The following FBXO28 variants were observed in gnomAD, a reference collection of about 807,000 sequenced individuals.
FBXO28 encodes F-box only protein 28.
FBXO28 carries 8 observed loss-of-function variants against 38.1 expected under a neutral mutation model. The observed-to-expected ratio is 0.21, with a 90% CI of 0.12 to 0.38. The LOEUF is 0.38. Among genes scored for constraint, FBXO28 ranks in the 10% least tolerant of loss-of-function variants. The pLI is 1.00. For synonymous variants in FBXO28, 168 were observed against 173.8 expected, an observed-to-expected ratio of 0.97 and a Z score of 0.26; for missense variants, 345 against 460.6, an observed-to-expected ratio of 0.75 and a Z score of 2.30.
intron 1 of FBXO28, among the ~76,000 whole-genome samples, chr1:224,116,843 A>G (rs946080037): frequency 1.3e-5 from 2 of 152,160 alleles, no homozygotes. Context: ...CTTACCATGA[A>G]TAACTGATTT....
chr1:224,115,556 C>T (rs1262912978), intron 1 of FBXO28, among the ~76,000 whole-genome samples: 3 of 152,114 alleles, frequency 2.0e-5, no homozygotes, highest in Admixed American at 2.0e-4. Flanking sequence ...AAACTGATGG[C>T]CAATTTTTTT....
intron 3 of FBXO28, among the ~76,000 whole-genome samples, chr1:224,152,603 G>A (rs950267684): frequency 6.6e-6 from 1 of 152,028 alleles, no homozygotes; most frequent in Non-Finnish European, 1.5e-5. Flanking sequence ...CATAGTACCT[G>A]ATACATAAAA....
At chr1:224,133,843 A>G (rs1185722356) in intron 2 of FBXO28, among the ~76,000 whole-genome samples, 1 of 151,668 alleles carries the variant, frequency 6.6e-6, no homozygotes, top group African/African-American at 2.4e-5. Context: ...ATATATATAT[A>G]TATAATTTGT....
intron 1 of FBXO28, among the ~76,000 whole-genome samples, chr1:224,125,090 G>A (rs1464552793): frequency 6.6e-6 from 1 of 151,624 alleles, no homozygotes; most frequent in East Asian, 1.9e-4. Context: ...TTACAATATT[G>A]CCTAATGTTT....
intron 4 of FBXO28, among the ~76,000 whole-genome samples, chr1:224,153,893 C>A (rs1657705667): frequency 6.6e-6 from 1 of 150,952 alleles, no homozygotes; most frequent in Non-Finnish European, 1.5e-5. Flanking sequence ...TGCACTCCAG[C>A]CTGAGCAACA....
intron 4 of FBXO28, 23 bp downstream of exon 4, chr1:224,153,360 C>T (rs184723485): frequency 6.6e-7 from 1 of 1,515,354 alleles, no homozygotes; most frequent in South Asian, 1.3e-5. Context: ...TATAATCATG[C>T]TTGTACATAA....
chr1:224,122,728 C>G (rs948607081), intron 1 of FBXO28, among the ~76,000 whole-genome samples: 2 of 152,042 alleles, frequency 1.3e-5, no homozygotes, highest in Non-Finnish European at 2.9e-5. Flanking sequence ...TGATTGACTT[C>G]AGGATTTTGA....
chr1:224,114,206 C>A lies in FBXO28; in HGVS notation c.77C>A (p.Ser26Tyr). The change falls in exon 1 of 5, where the codon TCC becomes TAC. Residue 26 changes from serine (S) to tyrosine (Y), a missense_variant. Around this residue, in one of 6 missense-constraint regions of FBXO28, gnomAD observed 104 missense variants for 82.0 expected, o/e 1.27. Coordinates refer to ENST00000366862, the MANE Select transcript of FBXO28 (RefSeq NM_015176.4). ...GQGDGGSSLA[S>Y]GSTQRQPPPP... is the part of the protein sequence containing the mutation. ...GGCGACGGCGGTTCCTCTTTGGCCT[C>A]CGGCTCTACCCAGCGACAGCCTCCA... is the stretch of plus-strand genomic sequence containing the variant. 6.5e-7 allele frequency: 1 copy of A among 1,549,242 alleles called. No individual in the cohort carries two copies.
intron 3 of FBXO28, among the ~76,000 whole-genome samples, chr1:224,145,314 A>AAAAAAT (rs1657474792): frequency 6.9e-6 from 1 of 145,446 alleles, no homozygotes; most frequent in Non-Finnish European, 1.5e-5. Context: ...AAAAAAAAAA[A>AAAAAAT]GGAAGTGTTT....
At chr1:224,153,985 C>T (rs1436565649) in intron 4 of FBXO28, among the ~76,000 whole-genome samples, 1 of 151,804 alleles carries the variant, frequency 6.6e-6, no homozygotes, top group Non-Finnish European at 1.5e-5. Context: ...GTGGTCCCAG[C>T]ACTTTGGGAG....
At chr1:224,134,052 T>A in intron 2 of FBXO28, 22 bp from the exon 3 acceptor site, 2 of 1,452,360 alleles carry the variant, frequency 1.4e-6, no homozygotes, top group Non-Finnish European at 1.8e-6. Flanking sequence ...TTGCCTTGCT[T>A]TTATTATTAT....
chr1:224,121,844 C>T lies in FBXO28; in HGVS notation c.267+7448C>T, dbSNP rs1436055049. Among the ~76,000 whole-genome samples, 29 of 152,062 alleles carry T rather than the reference C, an allele frequency of 1.9e-4. 1 individual carries two copies. The highest frequency in any genetic ancestry group is 1.5e-3 in the Admixed American group (23 of 15,262). ...AGGCTGGAGTGCAGTGGCACGATCTCGGCCCATTGCCACCTCTGCCTCCTG... is the reference window on the plus strand; with the variant it reads ...AGGCTGGAGTGCAGTGGCACGATCTTGGCCCATTGCCACCTCTGCCTCCTG... On this transcript the variant is annotated intron_variant, in intron 1 of 4. Transcript: ENST00000366862.
chr1:224,143,449 G>T (rs1049540030), intron 3 of FBXO28, among the ~76,000 whole-genome samples: 6 of 152,208 alleles, frequency 3.9e-5, no homozygotes, highest in African/African-American at 1.2e-4. Flanking sequence ...TCCTGGCCAG[G>T]GTGGATAACG....
chr1:224,156,607 A>G (rs1318454939), intron 4 of FBXO28, among the ~76,000 whole-genome samples: 1 of 152,198 alleles, frequency 6.6e-6, no homozygotes, highest in Non-Finnish European at 1.5e-5. Flanking sequence ...AAGAAGTTGC[A>G]GATTTTGGAT....
In FBXO28 at chr1:224,128,304, A is replaced by G. The variant is rs181818268; in HGVS notation, c.268-2168A>G. The stretch of plus-strand genomic sequence containing the variant: ...TCTTGTACTGCAACGTCTACCCCAT[A>G]TGGTGAGAATTAACCTTCAGGTTGA... On this transcript the variant is annotated intron_variant, in intron 1 of 4. Transcript: ENST00000366862. Among the ~76,000 whole-genome samples the G allele has an allele frequency of 1.3e-4, 19 of 151,648 alleles. 1 individual carries two copies. In the East Asian group the frequency reaches 3.7e-3, roughly 29 times the overall value.
At position 224,157,590 on chromosome 1, in the gene FBXO28, G is replaced by A. The variant is rs1657801136; in HGVS notation, c.951G>A (p.Leu317=). The A allele has an allele frequency of 6.2e-7, 1 of 1,614,266 alleles. No individual in the cohort carries two copies. Among genetic ancestry groups the A allele is most frequent in the Non-Finnish European group, 8.5e-7 (1 of 1,180,048 alleles). Residue 317 remains leucine (L), a synonymous_variant, in exon 5 of 5, where the codon TTG becomes TTA. Transcript: ENST00000366862. ...TQIIGEQNAR[L]AELERKLREV... ...TCATAGGTGAACAAAATGCACGGTTGGCAGAGCTAGAACGCAAACTACGAG... is the reference window on the plus strand; with the variant it reads ...TCATAGGTGAACAAAATGCACGGTTAGCAGAGCTAGAACGCAAACTACGAG...
chr1:224,143,886 C>T (rs1241135857), intron 3 of FBXO28, among the ~76,000 whole-genome samples: 2 of 151,348 alleles, frequency 1.3e-5, no homozygotes, highest in Non-Finnish European at 2.9e-5. Flanking sequence ...GTGGCTCACA[C>T]CGTAATCCCA....
At chr1:224,142,512 T>C (rs1657383648) in intron 3 of FBXO28, among the ~76,000 whole-genome samples, 1 of 151,658 alleles carries the variant, frequency 6.6e-6, no homozygotes, top group Non-Finnish European at 1.5e-5. Flanking sequence ...TTCGTTATAA[T>C]ATTGATGAGA....
chr1:224,161,692 G>C lies in FBXO28; in HGVS notation c.*3946G>C, dbSNP rs1657909700. 6.6e-6 allele frequency: 1 copy of C among 152,146 alleles called. No individual in the cohort carries two copies. The highest frequency in any genetic ancestry group is 1.9e-4 in the East Asian group (1 of 5,204). The allele number at this position is 152,146 out of a possible 1,614,324, so 9.4% of individuals were successfully genotyped here. The stretch of plus-strand genomic sequence containing the variant: ...GATAAATATGACAGGCTTAAGTACT[G>C]CTGTCCTTTTGCATCTTCCTAAGCA... On this transcript the variant is annotated 3_prime_UTR_variant, in exon 5 of 5. Coordinates refer to ENST00000366862, the MANE Select transcript of FBXO28 (RefSeq NM_015176.4).
Sources: gnomAD v4.1 joint callset for allele counts (sites outside exome capture counted in the v4.1 genomes callset) on GRCh38, gnomAD v4.1.1 for gene constraint, gnomAD v4.1.1 regional missense constraint, MANE v1.5 for transcripts, NCBI Gene and HGNC (gene_info 2026-07-23, HGNC 2026-07-21) for gene names.